Variants in SECISBP2 observed in about 807,000 individuals in gnomAD.
The protein encoded by SECISBP2 is SECIS binding protein 2.
In SECISBP2, 96 loss-of-function variants were observed where a neutral mutation model predicts 98.2. The observed-to-expected ratio is 0.98, with a 90% CI of 0.83 to 1.16. SECISBP2 has a LOEUF of 1.16. Ranked by LOEUF, SECISBP2 falls within the 50% of genes most tolerant of loss-of-function variation. The probability of loss-of-function intolerance (pLI) is 0.00; values close to 1 mark genes in which losing one functional copy is unlikely to be tolerated. For missense variants in SECISBP2, 1,046 were observed against 1,022.9 expected (o/e 1.02, Z -0.31); for synonymous variants, 407 against 370.2 (o/e 1.10, Z -1.14).
At chr9:89,319,880 C>G in intron 2 of SECISBP2, 83 bp downstream of exon 2, 1 of 1,403,168 alleles carries the variant, frequency 7.1e-7, no homozygotes, top group South Asian at 1.2e-5. Flanking sequence ...TCAGCAGTTA[C>G]TGCACTAAAG....
At chr9:89,332,430 A>G (rs903101485) in intron 5 of SECISBP2, among the ~76,000 whole-genome samples, 2 of 152,226 alleles carry the variant, frequency 1.3e-5, no homozygotes, top group Admixed American at 6.5e-5. Context: ...AGTATGGTAC[A>G]GAGTGGTTTC....
chr9:89,322,926 A>G (rs902651500), intron 2 of SECISBP2: 1 of 152,210 alleles, frequency 6.6e-6, no homozygotes, highest in Non-Finnish European at 1.5e-5. Flanking sequence ...AGTGTCTTAA[A>G]TGGGGTCATT....
rs1175205038 is a variant in SECISBP2, at chr9:89,350,821, T to A, written c.2082T>A (p.Ile694=). ...LKLKKLKCVI[I]SPNCEKIQSK... ...TCAAAAAACTGAAATGTGTCATTAT[T>A]TCTCCCAACTGTGAGAAGATACAGT... is the stretch of plus-strand genomic sequence containing the variant. Residue 694 remains isoleucine, a synonymous_variant, in exon 14 of 17, where the codon ATT becomes ATA. Coordinates refer to ENST00000375807, the MANE Select transcript of SECISBP2 (RefSeq NM_024077.5). 6.2e-7 allele frequency: 1 copy of A among 1,614,232 alleles called. No individual in the cohort carries two copies. The highest frequency in any genetic ancestry group is 2.2e-5 in the East Asian group (1 of 44,890).
At chr9:89,345,223 T>C (rs1028250294) in intron 10 of SECISBP2, among the ~76,000 whole-genome samples, 1 of 152,240 alleles carries the variant, frequency 6.6e-6, no homozygotes, top group African/African-American at 2.4e-5. Flanking sequence ...GTTGCTTGAC[T>C]GTTCAAAACG....
chr9:89,364,142 C>G (rs1833205915), downstream of SECISBP2: 1 of 1,178,386 alleles, frequency 8.5e-7, no homozygotes, highest in Non-Finnish European at 1.2e-6. Flanking sequence ...GGCCTTGGCC[C>G]GTCCTGTGGA....
intron 10 of SECISBP2, among the ~76,000 whole-genome samples, chr9:89,345,854 C>T (rs181964212): frequency 6.6e-5 from 10 of 152,310 alleles, no homozygotes; most frequent in African/African-American, 2.4e-4. Flanking sequence ...ATGTTTCAAA[C>T]CCCATGTGGA....
At chr9:89,359,970 G>A (rs931411374), downstream of SECISBP2, among the ~76,000 whole-genome samples, 5 of 152,174 alleles carry the variant, frequency 3.3e-5, no homozygotes, top group South Asian at 2.1e-4. Context: ...TTCAGTCTTG[G>A]CAATATTGTA....
At position 89,358,093 on chromosome 9, in the gene SECISBP2, C is replaced by G; in HGVS notation, c.2363C>G (p.Pro788Arg). 5 of 1,613,836 alleles carry G rather than the reference C, an allele frequency of 3.1e-6. No homozygotes were observed. The highest frequency in any genetic ancestry group is 4.2e-6 in the Non-Finnish European group (5 of 1,179,984). The change falls in exon 16 of 17, where the codon CCC becomes CGC. Residue 788 changes from proline (P) to arginine (R), a missense_variant. By Grantham distance (103) the Pro-to-Arg change is moderately radical. Coordinates refer to ENST00000375807, the MANE Select transcript of SECISBP2 (RefSeq NM_024077.5). ...ENVQQELVGE[P>R]RPQAPPSLPT... Reference sequence around the variant, plus strand: ...GTGCAGCAGGAGCTGGTGGGAGAGCCCAGGCCTCAGGCACCTCCCAGCCTA... The same window carrying G: ...GTGCAGCAGGAGCTGGTGGGAGAGCGCAGGCCTCAGGCACCTCCCAGCCTA...
chr9:89,364,372 A>G (rs145947862), downstream of SECISBP2: 97 of 283,660 alleles, frequency 3.4e-4, 2 homozygotes, highest in Admixed American at 4.1e-3. Flanking sequence ...GGGCCACAGC[A>G]TGGAGAGGCC....
Position 89,332,909 on chromosome 9 carries a change from G to A in SECISBP2, c.803G>A (p.Gly268Asp), listed in dbSNP as rs750008078. Residue 268 changes from glycine (G) to aspartate (D), a missense_variant and splice_region_variant, in exon 6 of 17, where the codon GGT becomes GAT. Coordinates refer to ENST00000375807, the MANE Select transcript of SECISBP2 (RefSeq NM_024077.5). ...ACATCTAATGTGTTTGCTTTTTAGG[G>A]TGAAATAGTGGTGAAAAATAACCCA... is the stretch of plus-strand genomic sequence containing the variant. Reference protein sequence around the residue: ...VVKPAAVLSKGEIVVKNNPNE... With the variant: ...VVKPAAVLSKDEIVVKNNPNE... 2 of 1,612,974 alleles carry A rather than the reference G, an allele frequency of 1.2e-6. No individual in the cohort carries two copies. Among genetic ancestry groups the A allele is most frequent in the African/African-American group, 2.7e-5 (2 of 74,984 alleles).
downstream of SECISBP2, chr9:89,361,546 CT>C (rs1832766295): frequency 6.6e-6 from 1 of 152,182 alleles, no homozygotes; most frequent in Non-Finnish European, 1.5e-5. Context: ...AGAGATACAG[CT>C]TTAATAATTA....
In SECISBP2 at chr9:89,359,251, A is replaced by G. The variant is rs1188428556; in HGVS notation, c.*427A>G. 6.3e-6 allele frequency: 2 copies of G among 315,142 alleles called. No individual in the cohort carries two copies. The highest frequency in any genetic ancestry group is 4.4e-5 in the African/African-American group (2 of 45,688). The allele number at this position is 315,142 out of a possible 1,614,324, so 19.5% of individuals were successfully genotyped here. ...AGGGCCATTCCTGCCCGGCAACAGCACCGTCCTGCAGGGAGCCACTTGGCA... is the reference window on the plus strand; with the variant it reads ...AGGGCCATTCCTGCCCGGCAACAGCGCCGTCCTGCAGGGAGCCACTTGGCA... On this transcript the variant is annotated 3_prime_UTR_variant, in exon 17 of 17. Transcript: ENST00000375807.
intron 1 of SECISBP2, 132 bp downstream of exon 1, chr9:89,318,744 T>C (rs913004253): frequency 2.4e-6 from 3 of 1,229,168 alleles, no homozygotes; most frequent in Admixed American, 4.2e-5. Context: ...GGGAGCGCCC[T>C]ACCGGGTGGC....
At chr9:89,335,251 T>TTA (rs1416426885) in intron 7 of SECISBP2, among the ~76,000 whole-genome samples, 21 of 151,894 alleles carry the variant, frequency 1.4e-4, no homozygotes, top group Non-Finnish European at 2.9e-4. Flanking sequence ...ATGTTTTATG[T>TTA]TATATATATG....
chr9:89,348,342 C>A, intron 12 of SECISBP2, 128 bp downstream of exon 12: 1 of 1,024,004 alleles, frequency 9.8e-7, no homozygotes, highest in African/African-American at 1.6e-5. Context: ...AGTGGGTCAG[C>A]ATTGAGCTCC....
intron 12 of SECISBP2, among the ~76,000 whole-genome samples, chr9:89,349,544 A>T (rs1223360496): frequency 1.3e-5 from 2 of 152,240 alleles, no homozygotes; most frequent in Non-Finnish European, 2.9e-5. Context: ...ATGTATAAGT[A>T]AATTGAGGGG....
At chr9:89,349,130 A>G (rs1332054675) in intron 12 of SECISBP2, among the ~76,000 whole-genome samples, 1 of 152,236 alleles carries the variant, frequency 6.6e-6, no homozygotes, top group Non-Finnish European at 1.5e-5. Flanking sequence ...CTACCAGCCC[A>G]CGGGGCACTA....
chr9:89,326,732 C>T lies in SECISBP2; in HGVS notation c.574+694C>T, dbSNP rs182215521. Among the ~76,000 whole-genome samples, 31 of 152,296 alleles carry T rather than the reference C, an allele frequency of 2.0e-4. No homozygotes were observed. In the East Asian group the frequency reaches 5.0e-3, roughly 25 times the overall value. On this transcript the variant is annotated intron_variant, in intron 4 of 16. Transcript: ENST00000375807. ...TGGGAACATTTAGAGTGTACTTACA[C>T]AGACCTAGATGGTATAGCCAACCAC...
intron 1 of SECISBP2, among the ~76,000 whole-genome samples, 190 bp from the exon 2 acceptor site, chr9:89,319,461 CT>C (rs1825304792): frequency 6.6e-6 from 1 of 151,064 alleles, no homozygotes; most frequent in South Asian, 2.1e-4. Flanking sequence ...GAACTACTGC[CT>C]TTTCTACAAA....
Sources: gnomAD v4.1 joint callset for allele counts (sites outside exome capture counted in the v4.1 genomes callset) on GRCh38, gnomAD v4.1.1 for gene constraint, MANE v1.5 for transcripts, NCBI Gene and HGNC (gene_info 2026-07-23, HGNC 2026-07-21) for gene names.